The following BAZ1A variants were observed in gnomAD, a reference collection of about 807,000 sequenced individuals.
BAZ1A encodes the protein bromodomain adjacent to zinc finger domain protein 1A.
A neutral mutation model predicts 185.2 loss-of-function variants in BAZ1A; 50 were observed. The observed-to-expected ratio is 0.27, with a 90% CI of 0.22 to 0.34. The LOEUF (loss-of-function observed/expected upper bound fraction) is 0.34, where lower values mean the gene tolerates loss of function less well. Among genes scored for constraint, BAZ1A ranks in the 10% least tolerant of loss-of-function variants. BAZ1A has a pLI of 1.00. For missense variants in BAZ1A, 1,356 were observed against 1,839.9 expected (o/e 0.74, Z 4.81); for synonymous variants, 571 against 615.6 (o/e 0.93, Z 1.07).
chr14:34,759,170 AG>A (rs1886399569), intron 24 of BAZ1A, among the ~76,000 whole-genome samples: 1 of 80,954 alleles, frequency 1.2e-5, no homozygotes, highest in Non-Finnish European at 2.2e-5. Context: ...TTACAGCTAC[AG>A]TTTTTTTTTT....
intron 21 of BAZ1A, among the ~76,000 whole-genome samples, 195 bp from the exon 22 acceptor site, chr14:34,765,463 A>G (rs1459154544): frequency 6.6e-6 from 1 of 152,256 alleles, no homozygotes; most frequent in Middle Eastern, 3.2e-3. Context: ...CGTTTATGAC[A>G]TAAGGAATTA....
At chr14:34,776,641 C>T (rs1162122828) in intron 17 of BAZ1A, 126 bp from the exon 18 acceptor site, 1 of 725,514 alleles carries the variant, frequency 1.4e-6, no homozygotes, top group Non-Finnish European at 2.2e-6. Context: ...TCCACAACCC[C>T]AAGTTCATAT....
At position 34,761,942 on chromosome 14, in the gene BAZ1A, C is replaced by G; in HGVS notation, c.4058G>C (p.Ser1353Thr). Residue 1353 changes from serine (S) to threonine (T), a missense_variant, in exon 24 of 27, where the codon AGT becomes ACT. Transcript: ENST00000360310. ...LQADVFVELL[S>T]PRRKRRGRKS... ...CCTGCCTCTGCGTTTTCTACGAGGA[C>G]TAAGCAATTCCACAAATACATCTGC... 1 of 1,614,228 alleles carries G rather than the reference C, an allele frequency of 6.2e-7. No individual in the cohort carries two copies.
At chr14:34,778,410 T>C (rs1371247607) in intron 17 of BAZ1A, among the ~76,000 whole-genome samples, 2 of 152,248 alleles carry the variant, frequency 1.3e-5, no homozygotes, top group Non-Finnish European at 2.9e-5. Flanking sequence ...GTCAAATTGC[T>C]TTGATAGTTC....
chr14:34,761,312 G>A (rs1003089803), intron 24 of BAZ1A, among the ~76,000 whole-genome samples: 11 of 151,964 alleles, frequency 7.2e-5, no homozygotes, highest in Non-Finnish European at 1.5e-4. Context: ...GCTGGTCATC[G>A]CTTCCTAAAA....
intron 25 of BAZ1A, among the ~76,000 whole-genome samples, chr14:34,757,060 A>T (rs892784233): frequency 1.3e-5 from 2 of 152,106 alleles, no homozygotes; most frequent in Admixed American, 6.6e-5. Context: ...ACACACCATC[A>T]TTATTTATAA....
chr14:34,765,355 G>T, intron 21 of BAZ1A, 87 bp from the exon 22 acceptor site: 1 of 1,468,024 alleles, frequency 6.8e-7, no homozygotes, highest in Non-Finnish European at 9.1e-7. Flanking sequence ...TTAAATATAG[G>T]TTAGATTTTA....
intron 4 of BAZ1A, among the ~76,000 whole-genome samples, chr14:34,824,400 C>CAAAAAAAA (rs2042132910): frequency 3.4e-5 from 1 of 29,204 alleles, no homozygotes; most frequent in Non-Finnish European, 6.7e-5. Context: ...AAAAAAAAAG[C>CAAAAAAAA]AGCAACTCAA....
At chr14:34,758,256 G>T (rs1886355678) in intron 25 of BAZ1A, among the ~76,000 whole-genome samples, 1 of 151,806 alleles carries the variant, frequency 6.6e-6, no homozygotes, top group African/African-American at 2.4e-5. Context: ...ACTCCGGCCT[G>T]GGCGACAGAA....
At chr14:34,872,865 G>GT (rs34310554) in intron 2 of BAZ1A, among the ~76,000 whole-genome samples, 96,659 of 131,740 alleles carry the variant, frequency 0.73, 34,983 homozygotes, top group Non-Finnish European at 0.78. Flanking sequence ...GATACTCTTA[G>GT]TTTTTTTTTT....
intron 18 of BAZ1A, 97 bp from the exon 19 acceptor site, chr14:34,774,587 G>T (rs546652297): frequency 9.1e-7 from 1 of 1,097,954 alleles, no homozygotes; most frequent in Non-Finnish European, 1.3e-6. Flanking sequence ...AGATATAAAA[G>T]TGCTTTGTAA....
chr14:34,815,484 T>G (rs1342881200), intron 4 of BAZ1A, among the ~76,000 whole-genome samples: 1 of 152,224 alleles, frequency 6.6e-6, no homozygotes, highest in Admixed American at 6.5e-5. Context: ...ACCCACCATT[T>G]TATTACCAAC....
chr14:34,800,159 G>A, intron 9 of BAZ1A, 65 bp downstream of exon 9: 1 of 1,202,756 alleles, frequency 8.3e-7, no homozygotes, highest in Admixed American at 3.1e-5. Context: ...ATCAACCATG[G>A]ATGTAGATAT....
intron 4 of BAZ1A, among the ~76,000 whole-genome samples, chr14:34,820,126 T>G (rs1215286328): frequency 2.1e-5 from 3 of 141,550 alleles, no homozygotes; most frequent in African/African-American, 7.8e-5. Context: ...TTCCTCGTTT[T>G]TTTTTTTTTT....
Position 34,875,214 on chromosome 14 carries a change from G to GA in BAZ1A, c.-136dup. On this transcript the variant is annotated 5_prime_UTR_variant, in exon 1 of 27. Transcript: ENST00000360310. ...GAGGGGAGACCCCGTCCTCCCAGGGGACCGCCTCTCTCCGGCCCCGCCGCG... is the reference window on the plus strand; with the variant it reads ...GAGGGGAGACCCCGTCCTCCCAGGGGAACCGCCTCTCTCCGGCCCCGCCGCG... The GA allele has an allele frequency of 2.2e-6, 1 of 450,950 alleles. No homozygotes were observed. The highest frequency in any genetic ancestry group is 2.4e-5 in the Admixed American group (1 of 42,418). 27.9% of individuals were successfully genotyped at this position (450,950 alleles called of 1,614,324 possible). A position where few individuals can be genotyped will look rare whatever the true frequency, so the allele number is the denominator to read the frequency against.
At chr14:34,817,171 T>C (rs543730432) in intron 4 of BAZ1A, among the ~76,000 whole-genome samples, 6 of 152,286 alleles carry the variant, frequency 3.9e-5, no homozygotes, top group African/African-American at 1.2e-4. Flanking sequence ...TATTAAATAA[T>C]AGCCAAGAAG....
At chr14:34,770,300 T>C (rs1290104465) in intron 21 of BAZ1A, among the ~76,000 whole-genome samples, 1 of 152,142 alleles carries the variant, frequency 6.6e-6, no homozygotes, top group Non-Finnish European at 1.5e-5. Context: ...ATTACAGGCA[T>C]GCACCACCAC....
At chr14:34,870,056 T>C (rs976741632) in intron 2 of BAZ1A, among the ~76,000 whole-genome samples, 5 of 152,096 alleles carry the variant, frequency 3.3e-5, no homozygotes, top group Non-Finnish European at 4.4e-5. Flanking sequence ...AGAAAACAAA[T>C]TGGCAATCCA....
intron 4 of BAZ1A, among the ~76,000 whole-genome samples, chr14:34,815,996 A>G (rs1010884372): frequency 6.6e-6 from 1 of 151,798 alleles, no homozygotes; most frequent in African/African-American, 2.4e-5. Context: ...TATCTTACTA[A>G]CGATTAGTCA....
Sources: allele counts gnomAD v4.1 joint callset (sites outside exome capture counted in the v4.1 genomes callset), GRCh38; gene constraint gnomAD v4.1.1; transcripts MANE v1.5; gene names NCBI Gene and HGNC (gene_info 2026-07-23, HGNC 2026-07-21).